SLC35F1: variants seen among roughly 807,000 people sequenced by gnomAD.
SLC35F1 encodes chromosome 6 open reading frame 169.
Under a neutral mutation model 48.7 loss-of-function variants are expected in SLC35F1, and 14 were observed. The observed-to-expected ratio is 0.29, with a 90% CI of 0.19 to 0.45. The LOEUF is 0.45. Among genes scored for constraint, SLC35F1 ranks in the 20% least tolerant of loss-of-function variants. The pLI, the probability that SLC35F1 is intolerant of heterozygous loss-of-function variation, is 1.00. For synonymous variants in SLC35F1, 190 were observed against 202.2 expected (o/e 0.94, Z 0.51); for missense variants, 404 against 500.0 (o/e 0.81, Z 1.83).
At chr6:117,988,030 G>T (rs1037749051) in intron 1 of SLC35F1, among the ~76,000 whole-genome samples, 1 of 151,928 alleles carries the variant, frequency 6.6e-6, no homozygotes, top group Non-Finnish European at 1.5e-5. Context: ...AGAGAGGAGA[G>T]CCCAGAAAAC....
At chr6:118,026,642 G>A (rs1182581789) in intron 1 of SLC35F1, among the ~76,000 whole-genome samples, 1 of 152,012 alleles carries the variant, frequency 6.6e-6, no homozygotes, top group Non-Finnish European at 1.5e-5. Flanking sequence ...TCTTAAACTT[G>A]TTTTTATTAT....
intron 1 of SLC35F1, among the ~76,000 whole-genome samples, chr6:118,118,914 G>A (rs1773509084): frequency 6.9e-6 from 1 of 143,948 alleles, no homozygotes; most frequent in African/African-American, 2.6e-5. Context: ...GGATAGAGAT[G>A]CTTTAGGTTT....
chr6:118,052,742 A>C (rs1303827277), intron 1 of SLC35F1, among the ~76,000 whole-genome samples: 1 of 152,210 alleles, frequency 6.6e-6, no homozygotes, highest in African/African-American at 2.4e-5. Flanking sequence ...GAAAAAAATA[A>C]CAGGATCTAA....
At chr6:118,183,867 G>T (rs1482141136) in intron 2 of SLC35F1, among the ~76,000 whole-genome samples, 3 of 152,136 alleles carry the variant, frequency 2.0e-5, no homozygotes, top group Admixed American at 2.0e-4. Flanking sequence ...TTTTTTAAAA[G>T]GTCATCTATT....
intron 2 of SLC35F1, among the ~76,000 whole-genome samples, chr6:118,159,844 T>A (rs1774203171): frequency 6.6e-6 from 1 of 152,228 alleles, no homozygotes; most frequent in African/African-American, 2.4e-5. Flanking sequence ...AGAGCTACCT[T>A]TAAATTTTTA....
intron 6 of SLC35F1, 26 bp downstream of exon 6, chr6:118,277,572 C>T: frequency 1.9e-6 from 3 of 1,606,276 alleles, no homozygotes; most frequent in Non-Finnish European, 1.7e-6. Flanking sequence ...ACATACGATG[C>T]TCTTTTTATA....
At chr6:117,929,451 TTATG>T (rs1381250590) in intron 1 of SLC35F1, among the ~76,000 whole-genome samples, 3 of 88,514 alleles carry the variant, frequency 3.4e-5, no homozygotes, top group African/African-American at 1.2e-4. Flanking sequence ...GTGTATGTAT[TTATG>T]TGTGTGTGTG....
chr6:117,987,805 A>T (rs1030467137), intron 1 of SLC35F1, among the ~76,000 whole-genome samples: 1 of 152,162 alleles, frequency 6.6e-6, no homozygotes, highest in African/African-American at 2.4e-5. Flanking sequence ...ATGCCTGGCA[A>T]TTTTTCTAAA....
intron 1 of SLC35F1, among the ~76,000 whole-genome samples, chr6:118,032,068 T>A (rs4245494): frequency 0.33 from 50,840 of 152,052 alleles, 8,679 homozygotes; most frequent in East Asian, 0.48. Flanking sequence ...TTTAGGAGGA[T>A]GTGTGTGTAT....
chr6:118,174,298 T>C, intron 2 of SLC35F1, among the ~76,000 whole-genome samples: 1 of 152,276 alleles, frequency 6.6e-6, no homozygotes, highest in East Asian at 1.9e-4. Flanking sequence ...TTAACTATGA[T>C]AAAAATCAAG....
At chr6:118,286,686 A>G (rs1776052610) in intron 7 of SLC35F1, among the ~76,000 whole-genome samples, 1 of 152,186 alleles carries the variant, frequency 6.6e-6, no homozygotes, top group Admixed American at 6.5e-5. Flanking sequence ...TAAGATGTAC[A>G]ACATGATTTT....
At chr6:118,018,035 A>G (rs764481397) in intron 1 of SLC35F1, among the ~76,000 whole-genome samples, 1 of 152,196 alleles carries the variant, frequency 6.6e-6, no homozygotes, top group African/African-American at 2.4e-5. Flanking sequence ...TAGTAGCTGC[A>G]TAAGTTCCTC....
chr6:118,048,994 T>C (rs1211209433), intron 1 of SLC35F1, among the ~76,000 whole-genome samples: 1 of 152,110 alleles, frequency 6.6e-6, no homozygotes, highest in Non-Finnish European at 1.5e-5. Context: ...CAAAACAGCA[T>C]AGTACTGGTA....
intron 1 of SLC35F1, among the ~76,000 whole-genome samples, chr6:117,934,063 C>T (rs1776135074): frequency 6.6e-6 from 1 of 151,976 alleles, no homozygotes; most frequent in African/African-American, 2.4e-5. Context: ...TCATGAACTA[C>T]AGAAAAAGAG....
intron 1 of SLC35F1, among the ~76,000 whole-genome samples, chr6:118,047,006 C>T (rs1772311427): frequency 6.6e-6 from 1 of 152,068 alleles, no homozygotes; most frequent in South Asian, 2.1e-4. Flanking sequence ...AGCCTGGAGG[C>T]TCTGAAATGT....
intron 1 of SLC35F1, among the ~76,000 whole-genome samples, chr6:117,955,963 A>G (rs934078550): frequency 4.6e-5 from 7 of 152,322 alleles, no homozygotes; most frequent in African/African-American, 1.4e-4. Context: ...CAATGCCACA[A>G]TAGTCATTAA....
intron 1 of SLC35F1, among the ~76,000 whole-genome samples, chr6:118,073,601 G>C (rs1448425684): frequency 6.6e-6 from 1 of 152,134 alleles, no homozygotes; most frequent in African/African-American, 2.4e-5. Flanking sequence ...CCATGAGTAA[G>C]TCTGTAAATC....
intron 1 of SLC35F1, among the ~76,000 whole-genome samples, chr6:118,152,397 C>G (rs938346712): frequency 6.6e-6 from 1 of 152,070 alleles, no homozygotes; most frequent in African/African-American, 2.4e-5. Context: ...ATGTAACAAA[C>G]CACTGTACAT....
At chr6:118,286,787 GTGTGTGTGTGTGTGTGTT>G (rs1280922757) in intron 7 of SLC35F1, among the ~76,000 whole-genome samples, 3 of 134,110 alleles carry the variant, frequency 2.2e-5, no homozygotes, top group Non-Finnish European at 4.7e-5. Context: ...GTGTGTGTGT[GTGTGTGTGTGTGTGTGTT>G]TGTGTGTGTG....
Sources: allele counts gnomAD v4.1 joint callset (sites outside exome capture counted in the v4.1 genomes callset), GRCh38; gene constraint gnomAD v4.1.1; transcripts MANE v1.5; gene names NCBI Gene and HGNC (gene_info 2026-07-23, HGNC 2026-07-21).